The following MAPKAPK2 variants were observed in gnomAD, a reference collection of about 807,000 sequenced individuals.
MAPKAPK2 encodes the protein MAP kinase-activated protein kinase 2.
In MAPKAPK2, 9 loss-of-function variants were observed where a neutral mutation model predicts 48.8. The ratio of observed to expected loss-of-function variants is 0.18; its 90% CI spans 0.11 to 0.32. MAPKAPK2 has a LOEUF of 0.32. Among genes scored for constraint, MAPKAPK2 ranks in the 10% least tolerant of loss-of-function variants. The pLI is 1.00. For synonymous variants in MAPKAPK2, 202 were observed against 190.6 expected, an observed-to-expected ratio of 1.06 and a Z score of -0.49; for missense variants, 331 against 498.3, an observed-to-expected ratio of 0.66 and a Z score of 3.20.
At chr1:206,714,830 A>G (rs1249130153) in intron 1 of MAPKAPK2, among the ~76,000 whole-genome samples, 1 of 150,622 alleles carries the variant, frequency 6.6e-6, no homozygotes, top group East Asian at 1.9e-4. Flanking sequence ...ATCATAGTTT[A>G]TTAACAGTTT....
intron 1 of MAPKAPK2, among the ~76,000 whole-genome samples, chr1:206,706,113 C>CTTAT (rs10525931): frequency 0.12 from 17,867 of 145,692 alleles, 1,243 homozygotes; most frequent in East Asian, 0.22. Context: ...TTTCCTATCT[C>CTTAT]TTATTTATTT....
At chr1:206,717,337 A>G (rs1673367028) in intron 1 of MAPKAPK2, among the ~76,000 whole-genome samples, 1 of 152,172 alleles carries the variant, frequency 6.6e-6, no homozygotes, top group Non-Finnish European at 1.5e-5. Context: ...TATAAAGTGC[A>G]CCTGGTACAT....
At chr1:206,695,848 C>T in intron 1 of MAPKAPK2, 1 of 515,706 alleles carries the variant, frequency 1.9e-6, no homozygotes, top group South Asian at 2.0e-5. Flanking sequence ...CCATGGCAAC[C>T]CCCCTTCCTG....
intron 1 of MAPKAPK2, among the ~76,000 whole-genome samples, chr1:206,687,244 G>A (rs1351486268): frequency 6.6e-6 from 1 of 152,192 alleles, no homozygotes; most frequent in African/African-American, 2.4e-5. Context: ...TCTGTATTCT[G>A]TTTAATAGAC....
intron 1 of MAPKAPK2, among the ~76,000 whole-genome samples, chr1:206,710,219 C>T (rs894661860): frequency 5.3e-5 from 8 of 152,152 alleles, no homozygotes; most frequent in Non-Finnish European, 7.4e-5. Flanking sequence ...GCATGCAGTA[C>T]AAACTTTGCT....
At chr1:206,686,525 G>C (rs1456512271) in intron 1 of MAPKAPK2, among the ~76,000 whole-genome samples, 1 of 152,166 alleles carries the variant, frequency 6.6e-6, no homozygotes, top group Non-Finnish European at 1.5e-5. Flanking sequence ...TCTCACAGGG[G>C]TTTCAGGTCA....
At position 206,732,257 on chromosome 1, in the gene MAPKAPK2, C is replaced by G. The variant is rs1460745640; in HGVS notation, c.1060-318C>G. ...GGGCAGTCTGCTCAAGGTCACGCAG[C>G]TGGTGACTGGTTGGGGCAGACCGGA... On this transcript the variant is annotated intron_variant, in intron 9 of 9. Coordinates refer to ENST00000367103, the MANE Select transcript of MAPKAPK2 (RefSeq NM_032960.4). This position sits in a 1 kb window ranked among gnomAD's most constrained non-coding sequence, Gnocchi z 4.4. 6 of 1,477,206 alleles carry G rather than the reference C, an allele frequency of 4.1e-6. No homozygotes were observed. In the African/African-American group the frequency reaches 7.0e-5, roughly 17 times the overall value. 91.5% of individuals were successfully genotyped at this position (1,477,206 alleles called of 1,614,324 possible). A position where few individuals can be genotyped will look rare whatever the true frequency, so the allele number is the denominator to read the frequency against.
At chr1:206,690,232 G>A (rs142486267) in intron 1 of MAPKAPK2, among the ~76,000 whole-genome samples, 1 of 152,372 alleles carries the variant, frequency 6.6e-6, no homozygotes, top group East Asian at 1.9e-4. Flanking sequence ...TCAGGTTTGT[G>A]GTTTCAGAGA....
intron 1 of MAPKAPK2, among the ~76,000 whole-genome samples, chr1:206,688,397 C>T (rs1159590461): frequency 1.3e-5 from 2 of 152,122 alleles, no homozygotes; most frequent in Admixed American, 1.3e-4. Flanking sequence ...ACCTGCTGCT[C>T]CAGGGTGCTT....
At position 206,731,716 on chromosome 1, in the gene MAPKAPK2, T is replaced by C; in HGVS notation, c.969T>C (p.Pro323=). The C allele has an allele frequency of 6.2e-7, 1 of 1,613,938 alleles. No homozygotes were observed. Among genetic ancestry groups the C allele is most frequent in the Middle Eastern group, 1.6e-4 (1 of 6,062 alleles). Residue 323 remains proline (P), a synonymous_variant, in exon 8 of 10, where the codon CCT becomes CCC. Coordinates refer to ENST00000367103, the MANE Select transcript of MAPKAPK2 (RefSeq NM_032960.4). This position sits in a 1 kb window ranked among gnomAD's most constrained non-coding sequence, Gnocchi z 5.9. ...CCATCACCGAGTTTATGAACCACCC[T>C]TGGATCATGGTAAGCTCGGCAGGCT... ...RMTITEFMNH[P]WIMQSTKVPQ...
chr1:206,718,480 C>T (rs1423201073), intron 1 of MAPKAPK2, among the ~76,000 whole-genome samples: 1 of 137,078 alleles, frequency 7.3e-6, no homozygotes, highest in African/African-American at 2.9e-5. Flanking sequence ...TGCAGTGAGC[C>T]AAGATCATGC....
chr1:206,732,410 G>C lies in MAPKAPK2; in HGVS notation c.1060-165G>C, dbSNP rs900050731. The C allele has an allele frequency of 6.9e-7, 1 of 1,457,792 alleles. No homozygotes were observed. The highest frequency in any genetic ancestry group is 2.5e-5 in the East Asian group (1 of 40,326). 90.3% of individuals were successfully genotyped at this position (1,457,792 alleles called of 1,614,324 possible). A position where few individuals can be genotyped will look rare whatever the true frequency, so the allele number is the denominator to read the frequency against. On this transcript the variant is annotated intron_variant, in intron 9 of 9. Transcript: ENST00000367103. This position sits in a 1 kb window ranked among gnomAD's most constrained non-coding sequence, Gnocchi z 4.4. ...TGCCCAGCGCTGGGGTGAGGCTGCC[G>C]TTGTCAGCGTGGACCACTAACCAGC...
Position 206,729,484 on chromosome 1 carries a change from T to C in MAPKAPK2, c.564+9T>C. 8 of 1,612,788 alleles carry C rather than the reference T, an allele frequency of 5.0e-6. No individual in the cohort carries two copies. The highest frequency in any genetic ancestry group is 6.8e-6 in the Non-Finnish European group (8 of 1,178,780). On this transcript the variant is annotated intron_variant, in intron 4 of 9. Transcript: ENST00000367103. ...CCCATCGGGATGTCAAGGTGCCAGC[T>C]GTTCATAACCCTGAGCCCGAGTGCT...
At chr1:206,713,633 G>A (rs541973792) in intron 1 of MAPKAPK2, among the ~76,000 whole-genome samples, 3 of 152,266 alleles carry the variant, frequency 2.0e-5, no homozygotes, top group South Asian at 2.1e-4. Context: ...TTCGGAGGCC[G>A]AGGTGGACAG....
At chr1:206,696,016 C>G in intron 1 of MAPKAPK2, 1 of 789,358 alleles carries the variant, frequency 1.3e-6, no homozygotes, top group Non-Finnish European at 2.3e-6. Flanking sequence ...GCAGTGATAC[C>G]CAGCTCTGGG....
At position 206,692,190 on chromosome 1, in the gene MAPKAPK2, C is replaced by T. The variant is rs1489857256; in HGVS notation, c.279+6682C>T. 2.6e-5 allele frequency among the ~76,000 whole-genome samples: 4 copies of T among 151,110 alleles called. No individual in the cohort carries two copies. In the East Asian group the frequency reaches 6.2e-4, roughly 23 times the overall value. On this transcript the variant is annotated intron_variant, in intron 1 of 9. Transcript: ENST00000367103. The stretch of plus-strand genomic sequence containing the variant: ...CTGAAGTCCAGCCACTGTCTCCTTG[C>T]TTGGCTTTGTCTTTGTGTGTGGCTG...
intron 1 of MAPKAPK2, chr1:206,696,303 C>A (rs782021688): frequency 2.3e-6 from 2 of 882,910 alleles, no homozygotes; most frequent in South Asian, 2.7e-5. Flanking sequence ...CGCACAGGAA[C>A]GCAAGGCACC....
chr1:206,701,692 G>T (rs956058644), intron 1 of MAPKAPK2, among the ~76,000 whole-genome samples: 9 of 151,878 alleles, frequency 5.9e-5, no homozygotes, highest in Non-Finnish European at 1.2e-4. Flanking sequence ...AAATTAGCCT[G>T]GCGTGGTGGC....
At position 206,732,020 on chromosome 1, in the gene MAPKAPK2, C is replaced by G; in HGVS notation, c.1059+101C>G. ...GGTGCTGGTAGGGGAGAGCTTGATT[C>G]TGCCTCTCTCATCCCAGGGGTGTCT... On this transcript the variant is annotated intron_variant, in intron 9 of 9. Coordinates refer to ENST00000367103, the MANE Select transcript of MAPKAPK2 (RefSeq NM_032960.4). The surrounding 1 kb of genome is among the most constrained non-coding windows in gnomAD (Gnocchi z 4.4). 6.2e-7 allele frequency: 1 copy of G among 1,614,128 alleles called. No homozygotes were observed. The highest frequency in any genetic ancestry group is 8.5e-7 in the Non-Finnish European group (1 of 1,180,020).
Sources: gnomAD v4.1 joint callset for allele counts (sites outside exome capture counted in the v4.1 genomes callset) on GRCh38, gnomAD v4.1.1 for gene constraint, Gnocchi (gnomAD v3.1) non-coding constraint, MANE v1.5 for transcripts, NCBI Gene and HGNC (gene_info 2026-07-23, HGNC 2026-07-21) for gene names.